KSR2: variants seen among roughly 807,000 people sequenced by gnomAD.
KSR2 encodes kinase suppressor of ras 2.
KSR2 carries 25 observed loss-of-function variants against 107.8 expected under a neutral mutation model. That is an observed-to-expected ratio of 0.23 (90% confidence interval 0.17 to 0.32). The LOEUF is 0.32. Among genes scored for constraint, KSR2 ranks in the 10% least tolerant of loss-of-function variants. The pLI, the probability that KSR2 is intolerant of heterozygous loss-of-function variation, is 1.00. For missense variants in KSR2, 887 were observed against 1,268.9 expected, an observed-to-expected ratio of 0.70 and a Z score of 4.57; for synonymous variants, 480 against 507.0, an observed-to-expected ratio of 0.95 and a Z score of 0.71.
chr12:117,871,422 CTA>C (rs1189140594), intron 1 of KSR2, among the ~76,000 whole-genome samples: 2 of 152,076 alleles, frequency 1.3e-5, no homozygotes, highest in Non-Finnish European at 2.9e-5. Context: ...AACCCCGTCA[CTA>C]CTAAAACTAC....
intron 2 of KSR2, among the ~76,000 whole-genome samples, chr12:117,855,956 G>A (rs1893089353): frequency 6.6e-6 from 1 of 152,030 alleles, no homozygotes; most frequent in African/African-American, 2.4e-5. Flanking sequence ...CACTCTGCAG[G>A]GACTCATCTA....
At chr12:117,726,957 C>T (rs901327188) in intron 4 of KSR2, among the ~76,000 whole-genome samples, 1 of 152,064 alleles carries the variant, frequency 6.6e-6, no homozygotes, top group Admixed American at 6.5e-5. Flanking sequence ...AAAAAATGTA[C>T]GTTGAAGTCT....
chr12:117,774,162 T>TGG (rs1889605187), intron 3 of KSR2, among the ~76,000 whole-genome samples: 1 of 152,168 alleles, frequency 6.6e-6, no homozygotes, highest in South Asian at 2.1e-4. Context: ...CACAGGCTTG[T>TGG]GGGTCAGCAC....
chr12:117,877,952 G>A (rs969082478), intron 1 of KSR2, among the ~76,000 whole-genome samples: 4 of 152,154 alleles, frequency 2.6e-5, no homozygotes, highest in Non-Finnish European at 4.4e-5. Flanking sequence ...GGGCTTTGCC[G>A]CCCGGCCCTA....
chr12:117,933,443 A>G (rs1895749606), intron 1 of KSR2, among the ~76,000 whole-genome samples: 1 of 152,026 alleles, frequency 6.6e-6, no homozygotes, highest in Non-Finnish European at 1.5e-5. Context: ...ACAAAAAATT[A>G]GCCGGGTGTG....
Position 117,968,578 on chromosome 12 carries a change from A to T in KSR2, c.-323T>A, listed in dbSNP as rs1896866939. Reference sequence around the variant, plus strand: ...GTGATGTGATGCTGTCTGTACACTTAGGGAGGAGGAGGAGGAGGAAAAAGA... The same window carrying T: ...GTGATGTGATGCTGTCTGTACACTTTGGGAGGAGGAGGAGGAGGAAAAAGA... On this transcript the variant is annotated 5_prime_UTR_variant, in exon 1 of 20. Coordinates refer to ENST00000339824, the MANE Select transcript of KSR2 (RefSeq NM_173598.6). 8.2e-6 allele frequency: 6 copies of T among 734,878 alleles called. No homozygotes were observed. Among genetic ancestry groups the T allele is most frequent in the Non-Finnish European group, 1.1e-5 (6 of 565,770 alleles). The allele number at this position is 734,878 out of a possible 1,614,324, so 45.5% of individuals were successfully genotyped here.
intron 9 of KSR2, among the ~76,000 whole-genome samples, chr12:117,544,841 G>T (rs573963326): frequency 1.3e-5 from 2 of 152,138 alleles, no homozygotes; most frequent in African/African-American, 4.8e-5. Context: ...TTGCCTTACT[G>T]TATTGGCCAG....
At chr12:117,583,445 ATGGATGG>A (rs1879812771) in intron 5 of KSR2, among the ~76,000 whole-genome samples, 3 of 147,646 alleles carry the variant, frequency 2.0e-5, no homozygotes, top group Admixed American at 2.0e-4. Flanking sequence ...GGATGGATGG[ATGGATGG>A]ATGGATGGAT....
intron 7 of KSR2, among the ~76,000 whole-genome samples, chr12:117,568,169 G>A (rs1056665839): frequency 6.6e-6 from 1 of 152,136 alleles, no homozygotes; most frequent in African/African-American, 2.4e-5. Flanking sequence ...TGTATTACTT[G>A]CTGTACCCTC....
chr12:117,480,607 G>T (rs1293111715), intron 16 of KSR2, among the ~76,000 whole-genome samples: 1 of 152,070 alleles, frequency 6.6e-6, no homozygotes, highest in African/African-American at 2.4e-5. Flanking sequence ...GTGGCGGGGG[G>T]GTCTCTCCCT....
intron 16 of KSR2, among the ~76,000 whole-genome samples, chr12:117,479,737 C>A (rs147372228): frequency 2.0e-5 from 3 of 152,348 alleles, no homozygotes; most frequent in African/African-American, 7.2e-5. Context: ...ATGATACACA[C>A]ATCCTGTGCT....
At chr12:117,557,788 A>G (rs1286473813) in intron 8 of KSR2, among the ~76,000 whole-genome samples, 1 of 152,206 alleles carries the variant, frequency 6.6e-6, no homozygotes, top group Admixed American at 6.5e-5. Flanking sequence ...GATAAATTTC[A>G]ATATGGATAA....
intron 1 of KSR2, among the ~76,000 whole-genome samples, chr12:117,909,894 C>A (rs931161357): frequency 3.0e-4 from 44 of 147,596 alleles, no homozygotes; most frequent in African/African-American, 1.1e-3. Flanking sequence ...GGTGACAGAG[C>A]AAGACTTCAT....
At chr12:117,510,061 A>G (rs973643881) in intron 14 of KSR2, among the ~76,000 whole-genome samples, 3 of 152,158 alleles carry the variant, frequency 2.0e-5, no homozygotes, top group Non-Finnish European at 4.4e-5. Flanking sequence ...TGCAGTTCTA[A>G]CTTTAAATTT....
rs868497127 is a variant in KSR2, at chr12:117,697,115, C to T, written c.987-29457G>A. The stretch of plus-strand genomic sequence containing the variant: ...AAAAGCACCCAGCACAGAGAACAAA[C>T]GAAGCTGCTTTCCTCCCCCTCGAGA... On this transcript the variant is annotated intron_variant, in intron 4 of 19. Transcript: ENST00000339824. 1.6e-4 allele frequency among the ~76,000 whole-genome samples: 24 copies of T among 152,300 alleles called. No individual in the cohort carries two copies. In the South Asian group the frequency reaches 3.3e-3, roughly 21 times the overall value.
At chr12:117,828,350 T>A (rs1169407646) in intron 3 of KSR2, among the ~76,000 whole-genome samples, 1 of 152,192 alleles carries the variant, frequency 6.6e-6, no homozygotes, top group Non-Finnish European at 1.5e-5. Context: ...TTATGTAATA[T>A]CCAGAACACG....
chr12:117,709,040 C>A (rs775213838), intron 4 of KSR2, among the ~76,000 whole-genome samples: 1 of 152,074 alleles, frequency 6.6e-6, no homozygotes, highest in Non-Finnish European at 1.5e-5. Context: ...CTCCTACCTC[C>A]CCCTTATAAG....
intron 19 of KSR2, among the ~76,000 whole-genome samples, chr12:117,468,928 G>C (rs149027689): frequency 6.6e-6 from 1 of 152,194 alleles, no homozygotes; most frequent in Non-Finnish European, 1.5e-5. Context: ...GTGAGTACCT[G>C]AGAGTGTCTG....
chr12:117,480,931 G>T (rs1487492466), intron 16 of KSR2, among the ~76,000 whole-genome samples: 4 of 152,140 alleles, frequency 2.6e-5, no homozygotes, highest in Non-Finnish European at 5.9e-5. Context: ...GCATGGTGGT[G>T]CATGCCTGTA....
Sources: gnomAD v4.1 joint callset for allele counts (sites outside exome capture counted in the v4.1 genomes callset) on GRCh38, gnomAD v4.1.1 for gene constraint, MANE v1.5 for transcripts, NCBI Gene and HGNC (gene_info 2026-07-23, HGNC 2026-07-21) for gene names.